HIRA: variants seen among roughly 807,000 people sequenced by gnomAD.
HIRA encodes histone cell cycle regulator, also known as protein HIRA.
In HIRA, 13 loss-of-function variants were observed where a neutral mutation model predicts 126.6. That is an observed-to-expected ratio of 0.10 (90% confidence interval 0.07 to 0.16). The LOEUF (loss-of-function observed/expected upper bound fraction) is 0.16. Ranked by LOEUF, HIRA falls within the 10% of genes least tolerant of loss-of-function variation. The probability of loss-of-function intolerance (pLI) is 1.00; values close to 1 mark genes in which losing one functional copy is unlikely to be tolerated. For synonymous variants in HIRA, 511 were observed against 520.0 expected (o/e 0.98, Z 0.24); for missense variants, 834 against 1,314.4 (o/e 0.63, Z 5.65).
chr22:19,374,516 C>G (rs1004482237), intron 15 of HIRA, among the ~76,000 whole-genome samples: 1 of 152,124 alleles, frequency 6.6e-6, no homozygotes, highest in Admixed American at 6.5e-5. Flanking sequence ...AGATTCCACA[C>G]CAAGTTTATA....
chr22:19,406,452 C>A (rs2089308721), intron 4 of HIRA, among the ~76,000 whole-genome samples: 1 of 152,210 alleles, frequency 6.6e-6, no homozygotes, highest in Admixed American at 6.5e-5. Context: ...TACTAGCCCC[C>A]ACCACAGGAG....
rs143821957 is a variant in HIRA at position 19,359,431 on chromosome 22, C to A, written c.2139G>T (p.Val713=). ...TCAGGCGGCTCAGCTTCACGCCCCC[C>A]ACCACTGTCACTTCATTCTCCACCT... ...YIEVENEVTV[V]GGVKLSRLKC... Residue 713 remains valine, a synonymous_variant, in exon 18 of 25, where the codon GTG becomes GTT. Transcript: ENST00000263208. The A allele has an allele frequency of 8.7e-6, 14 of 1,609,960 alleles. No homozygotes were observed. The highest frequency in any genetic ancestry group is 1.2e-5 in the Non-Finnish European group (14 of 1,178,410).
intron 15 of HIRA, among the ~76,000 whole-genome samples, chr22:19,374,061 G>A (rs1045157743): frequency 6.6e-5 from 10 of 151,914 alleles, no homozygotes; most frequent in Admixed American, 3.9e-4. Context: ...GACCGCGCGC[G>A]GTGGCTCACG....
chr22:19,390,625 A>AAAAAAAAAAAAAAAAAAAAAAG (rs1569304503), intron 9 of HIRA, among the ~76,000 whole-genome samples: 2 of 148,558 alleles, frequency 1.3e-5, no homozygotes, highest in Non-Finnish European at 3.0e-5. Flanking sequence ...AAAAAAAAAA[A>AAAAAAAAAAAAAAAAAAAAAAG]AAGAAGCTGA....
Position 19,431,667 on chromosome 22 carries a change from G to GGCCGCC in HIRA, c.-197_-192dup, listed in dbSNP as rs889524783. On this transcript the variant is annotated 5_prime_UTR_variant, in exon 1 of 25. Transcript: ENST00000263208. ...GCCGCCACAGCCGCCACCCGCGCTC[G>GGCCGCC]GCCGCCGCCGCCGCCACCACAGCCG... 4 of 492,550 alleles carry GGCCGCC rather than the reference G, an allele frequency of 8.1e-6. No homozygotes were observed. The highest frequency in any genetic ancestry group is 9.8e-5 in the East Asian group (2 of 20,412). The allele number at this position is 492,550 out of a possible 1,614,324, so 30.5% of individuals were successfully genotyped here.
chr22:19,410,825 C>T, intron 1 of HIRA, 47 bp from the exon 2 acceptor site: 1 of 1,450,028 alleles, frequency 6.9e-7, no homozygotes, highest in Non-Finnish European at 9.7e-7. Flanking sequence ...GGCTTTTATT[C>T]ATTGAAGTGT....
chr22:19,375,197 A>G (rs560371879), intron 15 of HIRA, among the ~76,000 whole-genome samples: 2 of 152,286 alleles, frequency 1.3e-5, no homozygotes, highest in South Asian at 2.1e-4. Context: ...CCTCACTTAC[A>G]TCATTTTTAT....
At chr22:19,382,315 C>T (rs1269009323) in intron 13 of HIRA, among the ~76,000 whole-genome samples, 2 of 152,170 alleles carry the variant, frequency 1.3e-5, no homozygotes, top group Non-Finnish European at 2.9e-5. Context: ...CAAAGTGTCA[C>T]CATCACCACC....
chr22:19,420,040 T>TTGTGTGTGTGTGTGTGTG (rs59900884), intron 1 of HIRA, among the ~76,000 whole-genome samples: 1 of 147,224 alleles, frequency 6.8e-6, no homozygotes, highest in African/African-American at 2.5e-5. Context: ...CATACAACCA[T>TTGTGTGTGTGTGTGTGTG]TGTGTGTGTG....
At chr22:19,368,933 C>T (rs1021390855) in intron 15 of HIRA, among the ~76,000 whole-genome samples, 8 of 152,154 alleles carry the variant, frequency 5.3e-5, no homozygotes, top group Non-Finnish European at 1.0e-4. Context: ...CCAGATGCCC[C>T]ATTCAGGGAC....
chr22:19,336,120 G>A (rs2088565207), intron 24 of HIRA, among the ~76,000 whole-genome samples: 1 of 152,190 alleles, frequency 6.6e-6, no homozygotes, highest in Non-Finnish European at 1.5e-5. Flanking sequence ...AGAGGGATTT[G>A]AAGTTTGTGA....
intron 14 of HIRA, among the ~76,000 whole-genome samples, chr22:19,376,077 C>T (rs1377716407): frequency 3.4e-4 from 52 of 152,104 alleles, no homozygotes; most frequent in Non-Finnish European, 1.5e-5. Context: ...TTCTTACAAC[C>T]CTTTTCTCTA....
At chr22:19,401,398 A>T (rs1439313080) in intron 5 of HIRA, among the ~76,000 whole-genome samples, 1 of 152,112 alleles carries the variant, frequency 6.6e-6, no homozygotes, top group Non-Finnish European at 1.5e-5. Flanking sequence ...CACTGTCTTA[A>T]CTGGCCTCTC....
chr22:19,399,100 G>A (rs1407828533), intron 5 of HIRA: 40 of 984,138 alleles, frequency 4.1e-5, no homozygotes, highest in African/African-American at 7.0e-5. Flanking sequence ...ATGAGGGTCC[G>A]CTGTGACGAT....
Position 19,431,465 on chromosome 22 carries a change from C to G in HIRA, c.12G>C (p.Leu4=). The G allele has an allele frequency of 6.2e-7, 1 of 1,606,994 alleles. No homozygotes were observed. Among genetic ancestry groups the G allele is most frequent in the Non-Finnish European group, 8.5e-7 (1 of 1,178,038 alleles). The change falls in exon 1 of 25, where the codon CTG becomes CTC. Residue 4 remains leucine (L), a synonymous_variant. Coordinates refer to ENST00000263208, the MANE Select transcript of HIRA (RefSeq NM_003325.4). ...CATTGTGGTTGACCCAGGTCGGCTT[C>G]AGGAGCTTCATTGTTCGGCCGCCGC... is the stretch of plus-strand genomic sequence containing the variant. MKL[L]KPTWVNHNGK...
In HIRA at chr22:19,356,905, G is replaced by A; in HGVS notation, c.2381C>T (p.Ala794Val). 1.2e-6 allele frequency: 2 copies of A among 1,613,834 alleles called. No homozygotes were observed. The highest frequency in any genetic ancestry group is 1.7e-6 in the Non-Finnish European group (2 of 1,179,966). ...TGCCTCTCACCAGACAGAGAGTGTGGCTGCAGCGGTGAGCGCCATGACGTA... is the reference window on the plus strand; with the variant it reads ...TGCCTCTCACCAGACAGAGAGTGTGACTGCAGCGGTGAGCGCCATGACGTA... ...GSYVMALTAAATLSVWDVHRQ... is the reference protein window; with the variant it reads ...GSYVMALTAAVTLSVWDVHRQ... The change falls in exon 19 of 25, where the codon GCC (alanine) becomes GTC (valine). Residue 794 changes from alanine to valine, a missense_variant. Ala to Val is a moderately conservative substitution (Grantham distance 64). This residue lies in a region of HIRA where 468 missense variants were observed against 574.2 expected (regional missense o/e 0.82). Coordinates refer to ENST00000263208, the MANE Select transcript of HIRA (RefSeq NM_003325.4).
Position 19,431,503 on chromosome 22 carries a change from G to T in HIRA, c.-27C>A, listed in dbSNP as rs767951059. ...GTTCGGCCGCCGCCGCCGCCGGGCT[G>T]AGGCGAGCGCCGGGTCCCTCAGCGC... On this transcript the variant is annotated 5_prime_UTR_variant, in exon 1 of 25. Coordinates refer to ENST00000263208, the MANE Select transcript of HIRA (RefSeq NM_003325.4). 9.5e-6 allele frequency: 15 copies of T among 1,578,408 alleles called. No individual in the cohort carries two copies. Among genetic ancestry groups the T allele is most frequent in the Non-Finnish European group, 1.3e-5 (15 of 1,163,946 alleles).
intron 24 of HIRA, among the ~76,000 whole-genome samples, chr22:19,339,843 G>C (rs2088607356): frequency 6.6e-6 from 1 of 152,076 alleles, no homozygotes; most frequent in Non-Finnish European, 1.5e-5. Context: ...ACTTTGAACA[G>C]ACCAATAATA....
intron 17 of HIRA, among the ~76,000 whole-genome samples, chr22:19,360,980 TGG>T (rs1242667305): frequency 6.6e-6 from 1 of 152,072 alleles, no homozygotes; most frequent in African/African-American, 2.4e-5. Context: ...CCAGAACATG[TGG>T]TGGTAATGGC....
Sources: gnomAD v4.1 joint callset for allele counts (sites outside exome capture counted in the v4.1 genomes callset) on GRCh38, gnomAD v4.1.1 for gene constraint, gnomAD v4.1.1 regional missense constraint, MANE v1.5 for transcripts, NCBI Gene and HGNC (gene_info 2026-07-23, HGNC 2026-07-21) for gene names.